Variants in ADCY8 observed in about 807,000 individuals in gnomAD.
The protein encoded by ADCY8 is adenylate cyclase 8.
ADCY8 carries 51 observed loss-of-function variants against 119.7 expected under a neutral mutation model. That is an observed-to-expected ratio of 0.43 (90% confidence interval 0.34 to 0.54). The LOEUF (loss-of-function observed/expected upper bound fraction) is 0.54, where lower values mean the gene tolerates loss of function less well. Ranked by LOEUF, ADCY8 falls within the 20% of genes least tolerant of loss-of-function variation. ADCY8 has a pLI of 0.03. For missense variants in ADCY8, 1,383 were observed against 1,598.8 expected, an observed-to-expected ratio of 0.87 and a Z score of 2.30; for synonymous variants, 665 against 651.0, an observed-to-expected ratio of 1.02 and a Z score of -0.33.
At chr8:131,030,559 G>A (rs1450737497) in intron 1 of ADCY8, among the ~76,000 whole-genome samples, 2 of 152,198 alleles carry the variant, frequency 1.3e-5, no homozygotes, top group African/African-American at 2.4e-5. Flanking sequence ...TGCTCCAGAT[G>A]TGTTCTAAGA....
chr8:130,859,605 T>C (rs1320297153), intron 9 of ADCY8, among the ~76,000 whole-genome samples: 1 of 152,212 alleles, frequency 6.6e-6, no homozygotes, highest in East Asian at 1.9e-4. Flanking sequence ...TTAGATTCTT[T>C]TGTCACAGTC....
intron 3 of ADCY8, among the ~76,000 whole-genome samples, chr8:130,944,720 T>C (rs1468512460): frequency 2.0e-5 from 3 of 152,238 alleles, no homozygotes; most frequent in Non-Finnish European, 2.9e-5. Context: ...AGTCCATTCA[T>C]GAAATCATTA....
intron 5 of ADCY8, among the ~76,000 whole-genome samples, chr8:130,911,584 T>TA (rs1349974732): frequency 9.5e-6 from 1 of 105,540 alleles, no homozygotes. Context: ...AAGTCTAAAT[T>TA]AAATTGTAAT....
rs912190375 is a variant in ADCY8 at position 130,940,397 on chromosome 8, G to A, written c.1353+2954C>T. Among the ~76,000 whole-genome samples the A allele has an allele frequency of 5.1e-4, 77 of 152,136 alleles. 5 individuals are homozygous for A. Among genetic ancestry groups the A allele is most frequent in the Non-Finnish European group, 7.4e-5 (5 of 68,026 alleles). ...TGGATAATGATGTGATGATGTTCAC[G>A]TCCAGGGTTTGTTATTCTTCCAACA... On this transcript the variant is annotated intron_variant, in intron 4 of 17. Coordinates refer to ENST00000286355, the MANE Select transcript of ADCY8 (RefSeq NM_001115.3).
At chr8:130,898,980 A>G (rs1819502414) in intron 7 of ADCY8, among the ~76,000 whole-genome samples, 1 of 152,180 alleles carries the variant, frequency 6.6e-6, no homozygotes, top group African/African-American at 2.4e-5. Flanking sequence ...ATACATCAAC[A>G]AAGCTTGCAG....
rs1330224231 is a variant in ADCY8, at chr8:130,907,311, GTTC to G, written c.1640+2394_1640+2396del. Among the ~76,000 whole-genome samples, 17 of 152,070 alleles carry G rather than the reference GTTC, an allele frequency of 1.1e-4. No individual in the cohort carries two copies. The South Asian group carries it at 3.6e-3, about 32-fold the overall frequency. On this transcript the variant is annotated intron_variant, in intron 6 of 17. Coordinates refer to ENST00000286355, the MANE Select transcript of ADCY8 (RefSeq NM_001115.3). ...ATTCCAAGGCTGAGGTTTGAGAACC[GTTC>G]TTCTAGAAACCCAAGGCTCAGTGGT...
At chr8:130,852,088 T>C (rs529032694) in intron 9 of ADCY8, among the ~76,000 whole-genome samples, 9 of 152,056 alleles carry the variant, frequency 5.9e-5, no homozygotes, top group African/African-American at 2.2e-4. Flanking sequence ...TTATGAAGTG[T>C]GGTTAGATAA....
intron 1 of ADCY8, among the ~76,000 whole-genome samples, chr8:131,016,249 C>A (rs1329258596): frequency 6.6e-6 from 1 of 152,038 alleles, no homozygotes; most frequent in African/African-American, 2.4e-5. Flanking sequence ...AGAGGCTGGG[C>A]ATGGTGGCTC....
chr8:130,831,826 G>A (rs556819643), intron 12 of ADCY8, among the ~76,000 whole-genome samples: 2 of 152,316 alleles, frequency 1.3e-5, no homozygotes, highest in Admixed American at 1.3e-4. Flanking sequence ...CCAGAGATGA[G>A]AGTGAGGATC....
intron 8 of ADCY8, among the ~76,000 whole-genome samples, chr8:130,877,710 G>A (rs190337255): frequency 1.9e-3 from 293 of 152,238 alleles, no homozygotes; most frequent in African/African-American, 6.9e-3. Flanking sequence ...TTGGAAAATA[G>A]TGATAATAAG....
intron 1 of ADCY8, among the ~76,000 whole-genome samples, chr8:131,030,347 T>G (rs1237486412): frequency 6.6e-6 from 1 of 152,072 alleles, no homozygotes; most frequent in Non-Finnish European, 1.5e-5. Flanking sequence ...CATCCCAGGG[T>G]CCTTTTGCAC....
chr8:130,955,226 G>A (rs956775254), intron 2 of ADCY8, among the ~76,000 whole-genome samples: 13 of 152,256 alleles, frequency 8.5e-5, no homozygotes, highest in African/African-American at 3.1e-4. Flanking sequence ...GTGGGCCAGG[G>A]ACTGAGTTAA....
chr8:131,025,066 A>G (rs1005041743), intron 1 of ADCY8, among the ~76,000 whole-genome samples: 2 of 152,194 alleles, frequency 1.3e-5, no homozygotes, highest in African/African-American at 2.4e-5. Context: ...TTTTGAAGCC[A>G]AGACAGGCTG....
intron 5 of ADCY8, among the ~76,000 whole-genome samples, chr8:130,917,576 C>T (rs1286650699): frequency 6.6e-6 from 1 of 152,146 alleles, no homozygotes; most frequent in African/African-American, 2.4e-5. Context: ...GCTGACCCTT[C>T]CTGCCCTGGT....
chr8:131,003,796 C>T (rs1356467199), intron 1 of ADCY8, among the ~76,000 whole-genome samples: 2 of 152,034 alleles, frequency 1.3e-5, no homozygotes, highest in African/African-American at 4.8e-5. Flanking sequence ...GTTTTATCCA[C>T]ACTTTTCTCC....
chr8:130,951,314 C>T (rs960685320), intron 3 of ADCY8, among the ~76,000 whole-genome samples: 3 of 152,096 alleles, frequency 2.0e-5, no homozygotes, highest in African/African-American at 7.2e-5. Context: ...CAGTACATGC[C>T]ATGTTGTCCA....
intron 3 of ADCY8, among the ~76,000 whole-genome samples, chr8:130,949,987 A>G (rs12550576): frequency 0.69 from 105,620 of 152,076 alleles, 40,444 homozygotes; most frequent in East Asian, 0.93. Flanking sequence ...CTATCCTGCT[A>G]TGCCCGCTGA....
At chr8:130,889,584 A>G (rs1209682762) in intron 7 of ADCY8, among the ~76,000 whole-genome samples, 1 of 151,976 alleles carries the variant, frequency 6.6e-6, no homozygotes, top group Non-Finnish European at 1.5e-5. Flanking sequence ...CGATTTCTGA[A>G]CAAGATCTAC....
chr8:130,868,033 A>G (rs1229473794), intron 8 of ADCY8, 87 bp from the exon 9 acceptor site: 2 of 825,088 alleles, frequency 2.4e-6, no homozygotes, highest in Non-Finnish European at 3.8e-6. Context: ...AAACAAGGCA[A>G]TTAGATTTTT....
Sources: gnomAD v4.1 joint callset for allele counts (sites outside exome capture counted in the v4.1 genomes callset) on GRCh38, gnomAD v4.1.1 for gene constraint, MANE v1.5 for transcripts, NCBI Gene and HGNC (gene_info 2026-07-23, HGNC 2026-07-21) for gene names.